The following USP25 variants were observed in gnomAD, a reference collection of about 807,000 sequenced individuals.
USP25 encodes ubiquitin carboxyl-terminal hydrolase 25.
USP25 carries 85 observed loss-of-function variants against 158.5 expected under a neutral mutation model. The observed-to-expected ratio is 0.54, with a 90% CI of 0.45 to 0.64. The LOEUF (loss-of-function observed/expected upper bound fraction) is 0.64. Ranked by LOEUF, USP25 falls within the 30% of genes least tolerant of loss-of-function variation. The pLI is 0.00. For missense variants in USP25, 1,242 were observed against 1,327.3 expected (o/e 0.94, Z 1.00); for synonymous variants, 464 against 460.4 (o/e 1.01, Z -0.10).
intron 17 of USP25, among the ~76,000 whole-genome samples, chr21:15,841,906 G>A (rs1408706961): frequency 1.3e-5 from 2 of 152,134 alleles, no homozygotes; most frequent in Non-Finnish European, 2.9e-5. Context: ...GTACCAGTTT[G>A]CCTTTCCTCT....
intron 1 of USP25, among the ~76,000 whole-genome samples, chr21:15,746,551 C>T (rs957676695): frequency 3.3e-5 from 5 of 152,052 alleles, no homozygotes; most frequent in Middle Eastern, 3.2e-3. Flanking sequence ...TGTGCCACCA[C>T]ACCCGGCTAA....
chr21:15,778,441 C>G (rs73185428), intron 4 of USP25, among the ~76,000 whole-genome samples: 38 of 152,152 alleles, frequency 2.5e-4, no homozygotes, highest in African/African-American at 8.9e-4. Context: ...GGTGTCATAA[C>G]GCAAAAGCAG....
chr21:15,775,761 G>T (rs945268601), intron 3 of USP25, among the ~76,000 whole-genome samples: 3 of 17,202 alleles, frequency 1.7e-4, no homozygotes, highest in African/African-American at 8.4e-4. Flanking sequence ...CCCCGCCCCC[G>T]CTGCACTCTG....
intron 14 of USP25, among the ~76,000 whole-genome samples, 163 bp from the exon 15 acceptor site, chr21:15,830,368 T>G (rs1273706931): frequency 6.6e-6 from 1 of 152,176 alleles, no homozygotes; most frequent in Non-Finnish European, 1.5e-5. Context: ...TAAGAATAAC[T>G]ATAATTCATT....
At chr21:15,871,258 T>G (rs551939761) in intron 23 of USP25, among the ~76,000 whole-genome samples, 1 of 152,244 alleles carries the variant, frequency 6.6e-6, no homozygotes, top group African/African-American at 2.4e-5. Context: ...CTTTAGTCAT[T>G]GATGTAGAAA....
intron 20 of USP25, among the ~76,000 whole-genome samples, chr21:15,860,277 C>T (rs1279466126): frequency 1.3e-5 from 2 of 152,066 alleles, no homozygotes; most frequent in Admixed American, 6.5e-5. Flanking sequence ...CTCAGCCTCC[C>T]GAGTAGCTGG....
intron 9 of USP25, among the ~76,000 whole-genome samples, chr21:15,812,875 A>G (rs915463715): frequency 6.6e-6 from 1 of 152,076 alleles, no homozygotes; most frequent in Non-Finnish European, 1.5e-5. Context: ...TTCATTAGGG[A>G]TGATTTTTAG....
At chr21:15,803,366 A>G (rs1263572282) in intron 6 of USP25, among the ~76,000 whole-genome samples, 3 of 151,862 alleles carry the variant, frequency 2.0e-5, no homozygotes, top group African/African-American at 7.2e-5. Flanking sequence ...AAATTTTTGA[A>G]AAATTAAATC....
chr21:15,776,764 C>T (rs935387252), intron 3 of USP25, among the ~76,000 whole-genome samples: 4 of 152,104 alleles, frequency 2.6e-5, no homozygotes, highest in African/African-American at 4.8e-5. Flanking sequence ...CACTGGAGCT[C>T]AGGAGTTTGA....
chr21:15,743,295 C>T (rs1311166123), intron 1 of USP25, among the ~76,000 whole-genome samples: 4 of 152,148 alleles, frequency 2.6e-5, no homozygotes, highest in Admixed American at 6.5e-5. Context: ...CAGCCAGGTG[C>T]GTGTTACAGC....
At chr21:15,866,757 T>C (rs1017352073) in intron 22 of USP25, among the ~76,000 whole-genome samples, 1 of 152,138 alleles carries the variant, frequency 6.6e-6, no homozygotes, top group South Asian at 2.1e-4. Flanking sequence ...CCTTTACATA[T>C]ATTAACTGAT....
intron 21 of USP25, among the ~76,000 whole-genome samples, chr21:15,865,015 G>A (rs1378409985): frequency 6.6e-6 from 1 of 151,882 alleles, no homozygotes; most frequent in Non-Finnish European, 1.5e-5. Flanking sequence ...TTAGATTCAC[G>A]CAGACATATT....
chr21:15,823,991 A>G, intron 10 of USP25, 48 bp from the exon 11 acceptor site: 1 of 1,571,922 alleles, frequency 6.4e-7, no homozygotes, highest in South Asian at 1.1e-5. Context: ...GCAGTGAAGA[A>G]AACAAAGGTG....
At chr21:15,861,241 G>T (rs1231851233) in intron 20 of USP25, among the ~76,000 whole-genome samples, 16 of 152,094 alleles carry the variant, frequency 1.1e-4, no homozygotes, top group Admixed American at 1.0e-3. Context: ...CATTTGTGAG[G>T]AGACAAGCCT....
At chr21:15,757,517 A>G (rs2033456737) in intron 1 of USP25, among the ~76,000 whole-genome samples, 1 of 152,208 alleles carries the variant, frequency 6.6e-6, no homozygotes, top group Admixed American at 6.5e-5. Flanking sequence ...CAGTATTCTT[A>G]TTGCACTTTA....
chr21:15,818,687 C>T lies in USP25; in HGVS notation c.932-11C>T. 2 of 1,597,616 alleles carry T rather than the reference C, an allele frequency of 1.3e-6. No homozygotes were observed. The highest frequency in any genetic ancestry group is 1.1e-5 in the South Asian group (1 of 88,820). ...CATATTGAGTATTATTAATTTTCTC[C>T]CTTCTTATAGGTAAAAAATTTGAAA... is the stretch of plus-strand genomic sequence containing the variant. On this transcript the variant is annotated splice_polypyrimidine_tract_variant and intron_variant, in intron 9 of 25. Coordinates refer to ENST00000400183, the MANE Select transcript of USP25 (RefSeq NM_001283041.3).
chr21:15,801,307 T>C (rs1267773883), intron 6 of USP25, among the ~76,000 whole-genome samples: 1 of 151,572 alleles, frequency 6.6e-6, no homozygotes, highest in Non-Finnish European at 1.5e-5. Flanking sequence ...TGCTTATATA[T>C]CAGAACGAGT....
At chr21:15,745,925 T>C (rs1382367593) in intron 1 of USP25, among the ~76,000 whole-genome samples, 1 of 152,270 alleles carries the variant, frequency 6.6e-6, no homozygotes, top group African/African-American at 2.4e-5. Flanking sequence ...ATTTATTGCA[T>C]GTGGAATCTA....
intron 1 of USP25, among the ~76,000 whole-genome samples, chr21:15,756,839 T>A (rs2123358555): frequency 6.6e-6 from 1 of 152,166 alleles, no homozygotes; most frequent in Non-Finnish European, 1.5e-5. Context: ...GGTTTAGCAG[T>A]GGGAAGAGGT....
Sources: allele counts gnomAD v4.1 joint callset (sites outside exome capture counted in the v4.1 genomes callset), GRCh38; gene constraint gnomAD v4.1.1; transcripts MANE v1.5; gene names NCBI Gene and HGNC (gene_info 2026-07-23, HGNC 2026-07-21).